Variants in WAPL observed in about 807,000 individuals in gnomAD.
WAPL encodes WAPL cohesin release factor, also known as wings apart-like protein homolog.
A neutral mutation model predicts 121.0 loss-of-function variants in WAPL; 5 were observed. That is an observed-to-expected ratio of 0.04 (90% CI 0.02 to 0.09). The LOEUF (loss-of-function observed/expected upper bound fraction) is 0.09. WAPL is among the 10% of genes least tolerant of loss of function. The pLI is 1.00. For missense variants in WAPL, 999 were observed against 1,410.8 expected (o/e 0.71, Z 4.68); for synonymous variants, 480 against 481.5 (o/e 1.00, Z 0.04).
chr10:86,516,872 CAGG>C (rs1395398899), intron 2 of WAPL, among the ~76,000 whole-genome samples: 1 of 152,080 alleles, frequency 6.6e-6, no homozygotes, highest in African/African-American at 2.4e-5. Context: ...ATCACGAGGT[CAGG>C]AGATGGAGAC....
rs1002653220 is a variant in WAPL at position 86,435,930 on chromosome 10, G to C, written c.*1613C>G. On this transcript the variant is annotated 3_prime_UTR_variant, in exon 19 of 19. Coordinates refer to ENST00000298767, the MANE Select transcript of WAPL (RefSeq NM_015045.5). The stretch of plus-strand genomic sequence containing the variant: ...ACCAATATGTTTTTAAAAGTATTTT[G>C]CTAAGCTAGCTTTAATACTCAGGGC... 1.3e-5 allele frequency: 2 copies of C among 152,060 alleles called. No homozygotes were observed. Among genetic ancestry groups the C allele is most frequent in the East Asian group, 3.8e-4 (2 of 5,198 alleles). The allele number at this position is 152,060 out of a possible 1,614,324, so 9.4% of individuals were successfully genotyped here.
chr10:86,445,506 C>T lies in WAPL; in HGVS notation c.3322+736G>A, dbSNP rs538222401. On this transcript the variant is annotated intron_variant, in intron 16 of 18. Transcript: ENST00000298767. ...TAGATACTCAATAATGTATGATTAGCGAAGATATTACCTCTAGTATCTTTT... is the reference window on the plus strand; with the variant it reads ...TAGATACTCAATAATGTATGATTAGTGAAGATATTACCTCTAGTATCTTTT... Among the ~76,000 whole-genome samples, 4 of 150,574 alleles carry T rather than the reference C, an allele frequency of 2.7e-5. No individual in the cohort carries two copies. In the East Asian group the frequency reaches 5.9e-4, roughly 22 times the overall value.
At chr10:86,484,008 C>T (rs1841869194) in intron 4 of WAPL, among the ~76,000 whole-genome samples, 1 of 150,192 alleles carries the variant, frequency 6.7e-6, no homozygotes, top group Admixed American at 6.6e-5. Flanking sequence ...CGTGAGCCAC[C>T]GCACCCAGGC....
In WAPL at chr10:86,500,053, C is replaced by T. The variant is rs1842218142; in HGVS notation, c.1190G>A (p.Arg397His). Reference sequence around the variant, plus strand: ...TGCAATATCTGCCTTTTTTCTGAGACGACCAGCTTCTCCCAAATCTGCAGG... The same window carrying T: ...TGCAATATCTGCCTTTTTTCTGAGATGACCAGCTTCTCCCAAATCTGCAGG... ...STPADLGEAG[R>H]LRKKADIATS... Residue 397 changes from arginine to histidine, a missense_variant, in exon 3 of 19, where the codon CGT (arginine) becomes CAT (histidine). Arg to His is a conservative substitution (Grantham distance 29, BLOSUM62 0). Around this residue, in one of 7 missense-constraint regions of WAPL, gnomAD observed 531 missense variants for 563.1 expected, o/e 0.94. Transcript: ENST00000298767. 4 of 1,613,994 alleles carry T rather than the reference C, an allele frequency of 2.5e-6. No homozygotes were observed. The highest frequency in any genetic ancestry group is 1.3e-5 in the African/African-American group (1 of 75,010).
At chr10:86,495,540 G>A (rs1842132642) in intron 4 of WAPL, among the ~76,000 whole-genome samples, 1 of 151,504 alleles carries the variant, frequency 6.6e-6, no homozygotes, top group Non-Finnish European at 1.5e-5. Flanking sequence ...ATAGAACAAC[G>A]ATCTAAACGT....
intron 15 of WAPL, 25 bp downstream of exon 15, chr10:86,451,942 G>C: frequency 6.2e-7 from 1 of 1,607,658 alleles, no homozygotes; most frequent in South Asian, 1.1e-5. Context: ...GCAGTTATGA[G>C]TTTGTTTTTA....
chr10:86,443,346 T>C lies in WAPL; in HGVS notation c.3340A>G (p.Lys1114Glu). ...DLNKALQHAG[K>E]HMEDCIVASY... Reference sequence around the variant, plus strand: ...GCCACAATGCAATCCTCCATGTGTTTGCCGGCATGCTGAAGGGCTGAGAGA... The same window carrying C: ...GCCACAATGCAATCCTCCATGTGTTCGCCGGCATGCTGAAGGGCTGAGAGA... Residue 1114 changes from lysine to glutamate, a missense_variant, in exon 17 of 19, where the codon AAA becomes GAA. Lys to Glu is a moderately conservative substitution (Grantham distance 56). Transcript: ENST00000298767. 1 of 1,614,096 alleles carries C rather than the reference T, an allele frequency of 6.2e-7. No homozygotes were observed. Among genetic ancestry groups the C allele is most frequent in the Non-Finnish European group, 8.5e-7 (1 of 1,179,988 alleles).
At chr10:86,450,084 C>G (rs1300034980) in intron 15 of WAPL, among the ~76,000 whole-genome samples, 1 of 152,066 alleles carries the variant, frequency 6.6e-6, no homozygotes, top group African/African-American at 2.4e-5. Flanking sequence ...TGCTATAGTA[C>G]TACAGTTATA....
chr10:86,463,194 G>C (rs1049129425), intron 9 of WAPL, among the ~76,000 whole-genome samples: 1 of 152,242 alleles, frequency 6.6e-6, no homozygotes, highest in Admixed American at 6.5e-5. Flanking sequence ...GGGAGGCTGA[G>C]AGACAAGGAT....
In WAPL at chr10:86,497,246, A is replaced by G. The variant is rs763750812; in HGVS notation, c.1599T>C (p.Asp533=). ...SVKKPINKQG[D]KSKENTRKIF... ...TCTTTCTGGTATTTTCCTTTGATTT[A>G]TCTCCTTGTTTATTTATGGGCTTCT... The change falls in exon 4 of 19, where the codon GAT becomes GAC. Residue 533 remains aspartate (D), a synonymous_variant. Transcript: ENST00000298767. The G allele has an allele frequency of 1.9e-6, 3 of 1,613,270 alleles. No homozygotes were observed. Among genetic ancestry groups the G allele is most frequent in the Non-Finnish European group, 2.5e-6 (3 of 1,179,816 alleles).
intron 3 of WAPL, among the ~76,000 whole-genome samples, chr10:86,498,718 T>C (rs1359012392): frequency 2.0e-5 from 3 of 152,322 alleles, no homozygotes; most frequent in East Asian, 1.9e-4. Context: ...AGATAGTCAA[T>C]CCACTTCACA....
intron 4 of WAPL, among the ~76,000 whole-genome samples, chr10:86,487,554 G>A (rs1466788600): frequency 6.6e-6 from 1 of 152,018 alleles, no homozygotes; most frequent in East Asian, 1.9e-4. Context: ...ATATTCCTGG[G>A]AGACACTAAA....
chr10:86,489,086 A>G (rs1306087646), intron 4 of WAPL, among the ~76,000 whole-genome samples: 1 of 152,226 alleles, frequency 6.6e-6, no homozygotes, highest in Non-Finnish European at 1.5e-5. Flanking sequence ...TAATCATGAG[A>G]AAGTATCAAA....
chr10:86,511,224 A>G (rs1205966737), intron 2 of WAPL, among the ~76,000 whole-genome samples: 2 of 152,172 alleles, frequency 1.3e-5, no homozygotes, highest in Non-Finnish European at 2.9e-5. Flanking sequence ...AGGTGGGAGC[A>G]CTGCATGAGC....
chr10:86,460,985 T>A (rs1841258987), intron 10 of WAPL, among the ~76,000 whole-genome samples, 191 bp downstream of exon 10: 1 of 152,220 alleles, frequency 6.6e-6, no homozygotes, highest in African/African-American at 2.4e-5. Context: ...AGTGCTGGGA[T>A]TACAGGCATG....
chr10:86,496,101 C>T (rs759617430), intron 4 of WAPL, among the ~76,000 whole-genome samples: 8 of 151,986 alleles, frequency 5.3e-5, no homozygotes, highest in African/African-American at 1.5e-4. Flanking sequence ...GCAACAAGAG[C>T]GAAACTCCAT....
At chr10:86,510,362 G>A (rs1043113508) in intron 2 of WAPL, among the ~76,000 whole-genome samples, 8 of 151,986 alleles carry the variant, frequency 5.3e-5, no homozygotes, top group Non-Finnish European at 8.8e-5. Context: ...GTGAGCCACC[G>A]CACCCGGCTG....
intron 15 of WAPL, 128 bp downstream of exon 15, chr10:86,451,839 C>T (rs746293086): frequency 3.3e-5 from 34 of 1,021,236 alleles, no homozygotes; most frequent in South Asian, 1.9e-4. Context: ...CTAAAAAGGC[C>T]GGGGGAGGGG....
chr10:86,512,538 G>A (rs1040585843), intron 2 of WAPL, among the ~76,000 whole-genome samples: 4 of 152,160 alleles, frequency 2.6e-5, no homozygotes, highest in African/African-American at 9.7e-5. Flanking sequence ...TACTACCGAC[G>A]GCATTGATTC....
Sources: allele counts gnomAD v4.1 joint callset (sites outside exome capture counted in the v4.1 genomes callset), GRCh38; gene constraint gnomAD v4.1.1; regional missense constraint gnomAD v4.1.1; transcripts MANE v1.5; gene names NCBI Gene and HGNC (gene_info 2026-07-23, HGNC 2026-07-21).